The following PHYHD1 variants were observed in gnomAD, a reference collection of about 807,000 sequenced individuals.
The protein encoded by PHYHD1 is phytanoyl-CoA dioxygenase domain containing 1, also known as phytanoyl-CoA dioxygenase domain-containing protein 1.
A neutral mutation model predicts 43.6 loss-of-function variants in PHYHD1; 42 were observed. That is an observed-to-expected ratio of 0.96 (90% CI 0.75 to 1.25). PHYHD1 has a LOEUF of 1.25. PHYHD1 is among the 50% of genes most tolerant of loss of function. The pLI is 0.00. For synonymous variants in PHYHD1, 139 were observed against 143.6 expected (o/e 0.97, Z 0.23); for missense variants, 342 against 370.8 (o/e 0.92, Z 0.64).
At chr9:128,936,553 G>A (rs1254216184) in intron 7 of PHYHD1, 30 bp from the exon 8 acceptor site, 15 of 1,607,812 alleles carry the variant, frequency 9.3e-6, no homozygotes, top group Non-Finnish European at 1.3e-5. Context: ...TGTGTGGCAG[G>A]CTGGCAGCAT....
rs1258300033 is a variant in PHYHD1, at chr9:128,932,184, A to ATTT, written c.193-1588_193-1586dup. Among the ~76,000 whole-genome samples the ATTT allele has an allele frequency of 3.5e-4, 38 of 108,666 alleles. 2 individuals are homozygous for ATTT. The highest frequency in any genetic ancestry group is 1.3e-3 in the East Asian group (5 of 3,718). The allele number at this position is 108,666 out of a possible 152,430, so 71.3% of individuals were successfully genotyped here. On this transcript the variant is annotated intron_variant, in intron 4 of 12. Coordinates refer to ENST00000372592, the MANE Select transcript of PHYHD1 (RefSeq NM_001100876.2). ...TATTATTATTGTTATTATTATTATT[A>ATTT]TTTTTTTTTTTTGAGATGGAGTCTC...
chr9:128,940,976 T>C (rs1181833515), intron 11 of PHYHD1, among the ~76,000 whole-genome samples: 1 of 152,216 alleles, frequency 6.6e-6, no homozygotes, highest in African/African-American at 2.4e-5. Flanking sequence ...TGAGCCTTAA[T>C]TTCCCCAAAC....
At chr9:128,932,015 A>T (rs989886138) in intron 4 of PHYHD1, among the ~76,000 whole-genome samples, 1 of 149,354 alleles carries the variant, frequency 6.7e-6, no homozygotes, top group African/African-American at 2.5e-5. Flanking sequence ...TTGCATTTTT[A>T]GTAGAGATGG....
chr9:128,931,825 C>CCTTT (rs756634406), intron 4 of PHYHD1, among the ~76,000 whole-genome samples: 6 of 139,486 alleles, frequency 4.3e-5, no homozygotes, highest in African/African-American at 8.1e-5. Context: ...CCTCGCCCGG[C>CCTTT]CTTTCTTTCT....
intron 4 of PHYHD1, among the ~76,000 whole-genome samples, chr9:128,932,172 A>ATTTTTTTT (rs1367583651): frequency 9.6e-5 from 10 of 104,192 alleles, no homozygotes; most frequent in African/African-American, 2.2e-4. Flanking sequence ...TATTATTGTT[A>ATTTTTTTT]TTATTATTAT....
intron 11 of PHYHD1, 95 bp from the exon 12 acceptor site, chr9:128,941,350 A>G: frequency 6.5e-7 from 1 of 1,526,890 alleles, no homozygotes; most frequent in Non-Finnish European, 8.9e-7. Flanking sequence ...GGGGGCCACA[A>G]AACCACTGGA....
At position 128,922,057 on chromosome 9, in the gene PHYHD1, G is replaced by T; in HGVS notation, c.-42+10G>T. 1.9e-6 allele frequency: 1 copy of T among 518,442 alleles called. No individual in the cohort carries two copies. Among genetic ancestry groups the T allele is most frequent in the South Asian group, 2.6e-5 (1 of 38,680 alleles). 32.1% of individuals were successfully genotyped at this position (518,442 alleles called of 1,614,324 possible). ...AATTTCCCGGCACCTGGTAAGCAGT[G>T]GTGGGGGGTGGTTTCCAGAAGAAAC... On this transcript the variant is annotated intron_variant, in intron 2 of 12. Transcript: ENST00000372592.
chr9:128,939,534 G>A (rs1841502495), intron 9 of PHYHD1, among the ~76,000 whole-genome samples: 1 of 116,310 alleles, frequency 8.6e-6, no homozygotes, highest in South Asian at 3.0e-4. Flanking sequence ...AGCCAAGATC[G>A]TGCCACTGCA....
intron 6 of PHYHD1, among the ~76,000 whole-genome samples, chr9:128,935,572 A>AAG (rs1277082583): frequency 1.6e-4 from 23 of 145,256 alleles, no homozygotes; most frequent in Non-Finnish European, 3.0e-4. Context: ...AAAAAAAAAA[A>AAG]AAAGAAAAGA....
chr9:128,936,698 T>C, intron 8 of PHYHD1, 53 bp downstream of exon 8: 2 of 1,526,566 alleles, frequency 1.3e-6, no homozygotes, highest in Non-Finnish European at 1.8e-6. Flanking sequence ...GGCAGACTGC[T>C]CATACCAAGC....
intron 3 of PHYHD1, among the ~76,000 whole-genome samples, chr9:128,926,355 T>C (rs553783785): frequency 6.6e-6 from 1 of 150,546 alleles, no homozygotes; most frequent in South Asian, 2.2e-4. Flanking sequence ...CTCCAAGCTA[T>C]TCTCCTGCCT....
chr9:128,934,691 C>G (rs1470357723), intron 6 of PHYHD1, among the ~76,000 whole-genome samples: 1 of 151,766 alleles, frequency 6.6e-6, no homozygotes, highest in Admixed American at 6.6e-5. Flanking sequence ...TAGCTTGAAC[C>G]CGAGAGGCTG....
At position 128,922,028 on chromosome 9, in the gene PHYHD1, G is replaced by C. The variant is rs1588241660; in HGVS notation, c.-61G>C. On this transcript the variant is annotated 5_prime_UTR_variant, in exon 2 of 13. Coordinates refer to ENST00000372592, the MANE Select transcript of PHYHD1 (RefSeq NM_001100876.2). Reference sequence around the variant, plus strand: ...AGCTGCTTGGCCTGACCCTCTCACAGCATAATTTCCCGGCACCTGGTAAGC... The same window carrying C: ...AGCTGCTTGGCCTGACCCTCTCACACCATAATTTCCCGGCACCTGGTAAGC... 1 of 468,730 alleles carries C rather than the reference G, an allele frequency of 2.1e-6. No individual in the cohort carries two copies. Among genetic ancestry groups the C allele is most frequent in the East Asian group, 4.0e-5 (1 of 25,302 alleles). The allele number at this position is 468,730 out of a possible 1,614,324, so 29.0% of individuals were successfully genotyped here.
At position 128,940,704 on chromosome 9, in the gene PHYHD1, C is replaced by T. The variant is rs1436768697; in HGVS notation, c.692C>T (p.Pro231Leu). ...GATAACAGCCTCTTTGTGCCCACCC[C>T]AGTGCAGAGAGGTAGGCAGATGCAG... ...ARDNSLFVPTPVQRGALVLIH... is the reference protein window; with the variant it reads ...ARDNSLFVPTLVQRGALVLIH... The change falls in exon 11 of 13, where the codon CCA (proline) becomes CTA (leucine). Residue 231 changes from proline to leucine, a missense_variant. Pro to Leu is a moderately conservative substitution (Grantham distance 98, BLOSUM62 -3). Coordinates refer to ENST00000372592, the MANE Select transcript of PHYHD1 (RefSeq NM_001100876.2). The T allele has an allele frequency of 6.2e-7, 1 of 1,613,392 alleles. No homozygotes were observed. Among genetic ancestry groups the T allele is most frequent in the Admixed American group, 1.7e-5 (1 of 60,014 alleles).
chr9:128,941,434 G>A lies in PHYHD1; in HGVS notation c.704-11G>A, dbSNP rs764806026. On this transcript the variant is annotated splice_polypyrimidine_tract_variant and intron_variant, in intron 11 of 12. Transcript: ENST00000372592. ...GCTGGTAGGTTCCTGACCTGCTTGTGTCTCTGCCAGGGGCCCTGGTCCTCA... is the reference window on the plus strand; with the variant it reads ...GCTGGTAGGTTCCTGACCTGCTTGTATCTCTGCCAGGGGCCCTGGTCCTCA... The A allele has an allele frequency of 8.7e-6, 14 of 1,612,338 alleles. No individual in the cohort carries two copies. The highest frequency in any genetic ancestry group is 1.2e-5 in the Non-Finnish European group (14 of 1,179,984).
intron 4 of PHYHD1, among the ~76,000 whole-genome samples, chr9:128,927,763 CTG>C (rs1189571032): frequency 1.3e-5 from 2 of 152,254 alleles, no homozygotes; most frequent in Non-Finnish European, 2.9e-5. Context: ...CCAGATCTGT[CTG>C]ATACCAAGTC....
chr9:128,927,379 TTTC>T (rs942626341), intron 4 of PHYHD1, among the ~76,000 whole-genome samples, 183 bp downstream of exon 4: 1 of 152,060 alleles, frequency 6.6e-6, no homozygotes, highest in African/African-American at 2.4e-5. Flanking sequence ...CCTTTTTTTT[TTTC>T]TTTTTTCTTT....
chr9:128,922,257 C>T lies in PHYHD1; in HGVS notation c.-41-26C>T, dbSNP rs548049961. On this transcript the variant is annotated intron_variant, in intron 2 of 12. Transcript: ENST00000372592. ...TAGGGAAGGGTTAAGTCCTCCCAGG[C>T]TCCTAAACTTTCTCCTCCCCACCAG... The T allele has an allele frequency of 2.6e-6, 4 of 1,542,630 alleles. No homozygotes were observed. The Admixed American group carries it at 6.0e-5, about 23-fold the overall frequency.
rs759325816 is a variant in PHYHD1, at chr9:128,941,427, T to C, written c.704-18T>C. The C allele has an allele frequency of 6.8e-6, 11 of 1,611,922 alleles. No homozygotes were observed. The South Asian group carries it at 8.8e-5, about 13-fold the overall frequency. On this transcript the variant is annotated intron_variant, in intron 11 of 12. Coordinates refer to ENST00000372592, the MANE Select transcript of PHYHD1 (RefSeq NM_001100876.2). ...ATGTGGGGCTGGTAGGTTCCTGACC[T>C]GCTTGTGTCTCTGCCAGGGGCCCTG...
Sources: gnomAD v4.1 joint callset for allele counts (sites outside exome capture counted in the v4.1 genomes callset) on GRCh38, gnomAD v4.1.1 for gene constraint, MANE v1.5 for transcripts, NCBI Gene and HGNC (gene_info 2026-07-23, HGNC 2026-07-21) for gene names.